Variants in ALKBH5 observed in about 807,000 individuals in gnomAD.
ALKBH5 encodes the protein RNA demethylase ALKBH5.
Under a neutral mutation model 32.1 loss-of-function variants are expected in ALKBH5, and 2 were observed. The observed-to-expected ratio is 0.06, with a 90% CI of 0.03 to 0.20. The LOEUF (loss-of-function observed/expected upper bound fraction) is 0.20. Ranked by LOEUF, ALKBH5 falls within the 10% of genes least tolerant of loss-of-function variation. The probability of loss-of-function intolerance (pLI) is 1.00; values close to 1 mark genes in which losing one functional copy is unlikely to be tolerated. For synonymous variants in ALKBH5, 300 were observed against 231.7 expected (o/e 1.29, Z -2.68); for missense variants, 352 against 559.5 (o/e 0.63, Z 3.74).
At position 18,184,370 on chromosome 17, in the gene ALKBH5, G is replaced by T. The variant is rs1187380646; in HGVS notation, c.127G>T (p.Ala43Ser). 9.2e-6 allele frequency: 14 copies of T among 1,516,552 alleles called. No homozygotes were observed. The highest frequency in any genetic ancestry group is 1.2e-5 in the Non-Finnish European group (14 of 1,135,198). 93.9% of individuals were successfully genotyped at this position (1,516,552 alleles called of 1,614,324 possible). ...CGCAGCCGCCGTAGCCGCCGCAGCC[G>T]CAGCCGCCGCTGCCGCCGAACCTTA... ...AAAAAVAAAA[A>S]AAAAAEPYPV... Residue 43 changes from alanine (A) to serine (S), a missense_variant, in exon 1 of 4, where the codon GCA (alanine) becomes TCA (serine). By Grantham distance (99) the Ala-to-Ser change is moderately conservative. This residue lies in a region of ALKBH5 where 144 missense variants were observed against 125.8 expected (regional missense o/e 1.14). Transcript: ENST00000399138.
Position 18,194,533 on chromosome 17 carries a change from A to G in ALKBH5, c.771-422A>G, listed in dbSNP as rs188278705. Among the ~76,000 whole-genome samples, 45 of 152,296 alleles carry G rather than the reference A, an allele frequency of 3.0e-4. No homozygotes were observed. The East Asian group carries it at 8.1e-3, about 27-fold the overall frequency. ...AATGGAGACTTCATGTAGATATTCTATTTTGGAATGAGGCAGTCCTAGCTC... is the reference window on the plus strand; with the variant it reads ...AATGGAGACTTCATGTAGATATTCTGTTTTGGAATGAGGCAGTCCTAGCTC... On this transcript the variant is annotated intron_variant, in intron 1 of 3. Transcript: ENST00000399138.
chr17:18,199,780 A>G (rs888943852), intron 2 of ALKBH5, among the ~76,000 whole-genome samples: 18 of 152,148 alleles, frequency 1.2e-4, no homozygotes, highest in Non-Finnish European at 2.6e-4. Context: ...GTAAAAGCAC[A>G]GGGTATTCTC....
intron 2 of ALKBH5, among the ~76,000 whole-genome samples, chr17:18,195,246 G>A (rs559817740): frequency 6.6e-6 from 1 of 152,298 alleles, no homozygotes; most frequent in South Asian, 2.1e-4. Context: ...GGGAGTTTAG[G>A]ACTGAGCAAA....
chr17:18,184,453 C>G lies in ALKBH5; in HGVS notation c.210C>G (p.Asp70Glu). ...AGGACTCGGACCCCGAGCGCAGCGA[C>G]TATGAGGAGCAGCAGCTGCAGAAGG... ...YQEDSDPERS[D>E]YEEQQLQKEE... Residue 70 changes from aspartate (D) to glutamate (E), a missense_variant, in exon 1 of 4, where the codon GAC becomes GAG. By Grantham distance (45) the Asp-to-Glu change is conservative. Coordinates refer to ENST00000399138, the MANE Select transcript of ALKBH5 (RefSeq NM_017758.4). The G allele has an allele frequency of 1.2e-6, 2 of 1,610,964 alleles. No homozygotes were observed. The highest frequency in any genetic ancestry group is 1.7e-6 in the Non-Finnish European group (2 of 1,178,962).
At chr17:18,193,771 C>T (rs950151472) in intron 1 of ALKBH5, among the ~76,000 whole-genome samples, 19 of 152,166 alleles carry the variant, frequency 1.2e-4, no homozygotes, top group African/African-American at 4.6e-4. Flanking sequence ...AAGTTTGTGT[C>T]TGTACAACTA....
In ALKBH5 at chr17:18,190,051, G is replaced by T. The variant is rs1487703273; in HGVS notation, c.771-4904G>T. ...CTGACCTTCTTGGTCCTGTGGGTCT[G>T]TCAGTAAGGCAGGTAGCCATAGCTG... On this transcript the variant is annotated intron_variant, in intron 1 of 3. Coordinates refer to ENST00000399138, the MANE Select transcript of ALKBH5 (RefSeq NM_017758.4). Among the ~76,000 whole-genome samples, 5 of 152,244 alleles carry T rather than the reference G, an allele frequency of 3.3e-5. No individual in the cohort carries two copies. In the East Asian group the frequency reaches 7.7e-4, roughly 23 times the overall value.
chr17:18,192,862 T>C (rs897242577), intron 1 of ALKBH5, among the ~76,000 whole-genome samples: 6 of 84,984 alleles, frequency 7.1e-5, no homozygotes, highest in African/African-American at 1.0e-4. Flanking sequence ...TTCTTTTTTT[T>C]TTTTTTTTTT....
intron 3 of ALKBH5, among the ~76,000 whole-genome samples, 179 bp from the exon 4 acceptor site, chr17:18,208,040 A>G (rs9913266): frequency 0.97 from 147,610 of 152,284 alleles, 71,821 homozygotes; most frequent in Middle Eastern, 1. Flanking sequence ...AAAGACTGGG[A>G]TGGTCACTGG....
At position 18,194,190 on chromosome 17, in the gene ALKBH5, G is replaced by A. The variant is rs566064357; in HGVS notation, c.771-765G>A. ...GGGTCAGTGGTGGGGACAGAGTCTC[G>A]CTCTGTTGCCCAGGTGCAGTGGGCG... is the stretch of plus-strand genomic sequence containing the variant. On this transcript the variant is annotated intron_variant, in intron 1 of 3. Coordinates refer to ENST00000399138, the MANE Select transcript of ALKBH5 (RefSeq NM_017758.4). Among the ~76,000 whole-genome samples, 184 of 151,984 alleles carry A rather than the reference G, an allele frequency of 1.2e-3. 1 individual carries two copies. The highest frequency in any genetic ancestry group is 4.1e-3 in the African/African-American group (170 of 41,454).
intron 2 of ALKBH5, among the ~76,000 whole-genome samples, chr17:18,196,677 T>C (rs8071834): frequency 0.59 from 90,499 of 152,108 alleles, 28,022 homozygotes; most frequent in Middle Eastern, 0.69. Flanking sequence ...ATATTGATCA[T>C]CTGGCCAATG....
chr17:18,184,417 C>T lies in ALKBH5; in HGVS notation c.174C>T (p.Arg58=), dbSNP rs766201317. The change falls in exon 1 of 4, where the codon CGC becomes CGT. Residue 58 remains arginine, a synonymous_variant. Coordinates refer to ENST00000399138, the MANE Select transcript of ALKBH5 (RefSeq NM_017758.4). ...CTTACCCTGTGTCCGGGGCCAAGCG[C>T]AAGTATCAGGAGGACTCGGACCCCG... ...AEPYPVSGAK[R]KYQEDSDPER... The T allele has an allele frequency of 6.3e-7, 1 of 1,583,158 alleles. No homozygotes were observed. Among genetic ancestry groups the T allele is most frequent in the Non-Finnish European group, 8.6e-7 (1 of 1,165,446 alleles).
intron 2 of ALKBH5, among the ~76,000 whole-genome samples, chr17:18,200,563 A>C (rs1404192669): frequency 6.6e-6 from 1 of 152,190 alleles, no homozygotes; most frequent in Non-Finnish European, 1.5e-5. Context: ...GTGGTAACCT[A>C]AGCTGGTGTG....
At chr17:18,186,877 C>G (rs2047142959) in intron 1 of ALKBH5, among the ~76,000 whole-genome samples, 1 of 152,122 alleles carries the variant, frequency 6.6e-6, no homozygotes, top group Non-Finnish European at 1.5e-5. Context: ...TCTGAGCTGG[C>G]TTTCCCATCT....
intron 2 of ALKBH5, among the ~76,000 whole-genome samples, chr17:18,195,605 G>A (rs1408045762): frequency 6.6e-6 from 1 of 152,144 alleles, no homozygotes; most frequent in Non-Finnish European, 1.5e-5. Context: ...TCTTTCACGG[G>A]GTGAGTGGAA....
chr17:18,203,087 AAAAAG>A (rs1015133059), intron 2 of ALKBH5, among the ~76,000 whole-genome samples: 3 of 151,840 alleles, frequency 2.0e-5, no homozygotes, highest in Non-Finnish European at 2.9e-5. Flanking sequence ...AAAAAAAAAA[AAAAAG>A]AGTTTAAATA....
intron 2 of ALKBH5, among the ~76,000 whole-genome samples, chr17:18,200,810 G>T (rs2047232136): frequency 6.6e-6 from 1 of 152,182 alleles, no homozygotes; most frequent in Non-Finnish European, 1.5e-5. Context: ...TTGGAGTCCA[G>T]GAACTCTGTT....
chr17:18,193,460 T>A (rs2047189312), intron 1 of ALKBH5, among the ~76,000 whole-genome samples: 1 of 151,442 alleles, frequency 6.6e-6, no homozygotes, highest in Non-Finnish European at 1.5e-5. Context: ...GGCAGGAGAA[T>A]CGCTTGAACC....
chr17:18,195,360 G>A (rs909838775), intron 2 of ALKBH5, among the ~76,000 whole-genome samples: 2 of 152,042 alleles, frequency 1.3e-5, no homozygotes, highest in Non-Finnish European at 2.9e-5. Flanking sequence ...CACCTCCTTC[G>A]TTCTTATTTG....
At chr17:18,195,377 G>A (rs1015899028) in intron 2 of ALKBH5, among the ~76,000 whole-genome samples, 1 of 152,060 alleles carries the variant, frequency 6.6e-6, no homozygotes, top group Non-Finnish European at 1.5e-5. Context: ...TTTGTTACAC[G>A]TACTCTTGGT....
Sources: gnomAD v4.1 joint callset for allele counts (sites outside exome capture counted in the v4.1 genomes callset) on GRCh38, gnomAD v4.1.1 for gene constraint, gnomAD v4.1.1 regional missense constraint, MANE v1.5 for transcripts, NCBI Gene and HGNC (gene_info 2026-07-23, HGNC 2026-07-21) for gene names.